The following SGCZ variants were observed in gnomAD, a reference collection of about 807,000 sequenced individuals.
SGCZ encodes the protein zeta-sarcoglycan.
In SGCZ, 40 loss-of-function variants were observed where a neutral mutation model predicts 41.3. The observed-to-expected ratio is 0.97, with a 90% confidence interval of 0.75 to 1.26. The LOEUF (loss-of-function observed/expected upper bound fraction) is 1.26, where lower values mean the gene tolerates loss of function less well. Ranked by LOEUF, SGCZ falls within the 50% of genes most tolerant of loss-of-function variation. The probability of loss-of-function intolerance (pLI) is 0.00; values close to 1 mark genes in which losing one functional copy is unlikely to be tolerated. For synonymous variants in SGCZ, 206 were observed against 137.5 expected, an observed-to-expected ratio of 1.50 and a Z score of -3.49; for missense variants, 552 against 369.8, an observed-to-expected ratio of 1.49 and a Z score of -4.04.
chr8:14,172,162 G>A (rs1217428626), intron 4 of SGCZ, among the ~76,000 whole-genome samples: 1 of 152,084 alleles, frequency 6.6e-6, no homozygotes. Flanking sequence ...TTATGCAAGA[G>A]AATAATCTTC....
chr8:15,164,432 G>C (rs1020175425), intron 1 of SGCZ, among the ~76,000 whole-genome samples: 1 of 152,098 alleles, frequency 6.6e-6, no homozygotes, highest in African/African-American at 2.4e-5. Flanking sequence ...CATGGTCCAC[G>C]GGTTTGGGAG....
intron 2 of SGCZ, among the ~76,000 whole-genome samples, chr8:14,460,472 G>A (rs1038721797): frequency 1.6e-4 from 25 of 152,066 alleles, no homozygotes; most frequent in African/African-American, 5.8e-4. Flanking sequence ...TCACTTGCAG[G>A]GTATGGAAAG....
intron 1 of SGCZ, among the ~76,000 whole-genome samples, chr8:15,182,495 C>A (rs1800207196): frequency 6.6e-6 from 1 of 152,112 alleles, no homozygotes. Flanking sequence ...ACACTGAATA[C>A]CAGAGGCAAC....
intron 1 of SGCZ, among the ~76,000 whole-genome samples, chr8:15,181,568 G>T (rs1279549028): frequency 6.6e-6 from 1 of 152,122 alleles, no homozygotes; most frequent in African/African-American, 2.4e-5. Flanking sequence ...GCAAATAAGT[G>T]CTTGTGTCTT....
At chr8:15,087,379 A>G (rs1447491519) in intron 1 of SGCZ, among the ~76,000 whole-genome samples, 2 of 152,152 alleles carry the variant, frequency 1.3e-5, no homozygotes, top group Non-Finnish European at 2.9e-5. Flanking sequence ...GGATATCTAC[A>G]TATGTGATGT....
chr8:14,391,101 A>C (rs1469812243), intron 2 of SGCZ, among the ~76,000 whole-genome samples: 8 of 152,124 alleles, frequency 5.3e-5, no homozygotes, highest in Non-Finnish European at 1.2e-4. Context: ...GGGCTAAAGC[A>C]ACCAACCCAA....
At chr8:14,878,106 G>A (rs896438262) in intron 1 of SGCZ, among the ~76,000 whole-genome samples, 4 of 151,870 alleles carry the variant, frequency 2.6e-5, no homozygotes, top group African/African-American at 4.8e-5. Context: ...TTTATTTGAG[G>A]GTAGATGAGA....
chr8:15,089,763 C>G (rs1806082144), intron 1 of SGCZ, among the ~76,000 whole-genome samples: 2 of 152,204 alleles, frequency 1.3e-5, no homozygotes, highest in South Asian at 4.2e-4. Flanking sequence ...GTCATGTACA[C>G]AGTAAGTACT....
intron 4 of SGCZ, among the ~76,000 whole-genome samples, chr8:14,175,501 C>T (rs935972570): frequency 6.6e-6 from 1 of 152,038 alleles, no homozygotes; most frequent in Non-Finnish European, 1.5e-5. Flanking sequence ...AGAGGTTATG[C>T]ATTCTGAGGT....
chr8:15,002,469 C>T lies in SGCZ; in HGVS notation c.39+235116G>A. On this transcript the variant is annotated intron_variant, in intron 1 of 7. Transcript: ENST00000382080. Reference sequence around the variant, plus strand: ...AGGAGAAGAGCTGTCAGACACATTTCTGGGAATGTGTGTGGCTGTGTCATT... The same window carrying T: ...AGGAGAAGAGCTGTCAGACACATTTTTGGGAATGTGTGTGGCTGTGTCATT... Among the ~76,000 whole-genome samples the T allele has an allele frequency of 1.3e-5, 2 of 152,100 alleles. 1 individual carries two copies. The highest frequency in any genetic ancestry group is 1.3e-4 in the Admixed American group (2 of 15,264).
chr8:15,156,572 C>A (rs1329561519), intron 1 of SGCZ, among the ~76,000 whole-genome samples: 2 of 152,186 alleles, frequency 1.3e-5, no homozygotes, highest in African/African-American at 4.8e-5. Context: ...CAAAACCATT[C>A]TTCTGAAAAC....
At chr8:15,188,877 G>A (rs1353822819) in intron 1 of SGCZ, among the ~76,000 whole-genome samples, 1 of 152,062 alleles carries the variant, frequency 6.6e-6, no homozygotes, top group East Asian at 1.9e-4. Flanking sequence ...CTGGAAAAGA[G>A]TGTGGGAGGA....
intron 1 of SGCZ, among the ~76,000 whole-genome samples, chr8:14,699,107 C>A (rs1809056414): frequency 6.6e-6 from 1 of 151,124 alleles, no homozygotes; most frequent in East Asian, 1.9e-4. Flanking sequence ...AAGATCCCTC[C>A]CAGGTTTAAA....
intron 3 of SGCZ, among the ~76,000 whole-genome samples, chr8:14,299,954 A>G (rs1399128108): frequency 6.6e-6 from 1 of 151,976 alleles, no homozygotes; most frequent in African/African-American, 2.4e-5. Flanking sequence ...GATGAAATAT[A>G]TTTTCCTAAG....
At position 14,265,481 on chromosome 8, in the gene SGCZ, T is replaced by G. The variant is rs564632759; in HGVS notation, c.337-27802A>C. Among the ~76,000 whole-genome samples, 13 of 152,270 alleles carry G rather than the reference T, an allele frequency of 8.5e-5. No individual in the cohort carries two copies. In the East Asian group the frequency reaches 2.5e-3, roughly 29 times the overall value. Reference sequence around the variant, plus strand: ...TTCTTGAATATTTGTTGGCCAAAGATTTATTTGACGAATCTGCTTTTTTCA... The same window carrying G: ...TTCTTGAATATTTGTTGGCCAAAGAGTTATTTGACGAATCTGCTTTTTTCA... On this transcript the variant is annotated intron_variant, in intron 3 of 7. Coordinates refer to ENST00000382080, the MANE Select transcript of SGCZ (RefSeq NM_139167.4).
intron 1 of SGCZ, among the ~76,000 whole-genome samples, chr8:15,232,849 T>C (rs1483222967): frequency 2.0e-5 from 3 of 150,628 alleles, no homozygotes; most frequent in African/African-American, 4.9e-5. Context: ...ACATTTCAAA[T>C]GTCTCAGCAC....
At chr8:14,809,458 G>C (rs1277040594) in intron 1 of SGCZ, among the ~76,000 whole-genome samples, 1 of 152,014 alleles carries the variant, frequency 6.6e-6, no homozygotes, top group Non-Finnish European at 1.5e-5. Context: ...GTGTCCTGAA[G>C]ACAAATCCAG....
chr8:14,550,902 A>G (rs541711783), intron 2 of SGCZ, among the ~76,000 whole-genome samples: 3 of 152,030 alleles, frequency 2.0e-5, no homozygotes, highest in Non-Finnish European at 2.9e-5. Flanking sequence ...TTTCAATCCA[A>G]AAACGACAAT....
chr8:15,235,601 T>C (rs555173267), intron 1 of SGCZ, among the ~76,000 whole-genome samples: 1 of 152,290 alleles, frequency 6.6e-6, no homozygotes, highest in African/African-American at 2.4e-5. Flanking sequence ...AGTAGTGACA[T>C]TAAGCTGAGA....
Sources: allele counts gnomAD v4.1 joint callset (sites outside exome capture counted in the v4.1 genomes callset), GRCh38; gene constraint gnomAD v4.1.1; transcripts MANE v1.5; gene names NCBI Gene and HGNC (gene_info 2026-07-23, HGNC 2026-07-21).